BORCS8: variants seen among roughly 807,000 people sequenced by gnomAD.
The protein encoded by BORCS8 is BLOC-1 related complex subunit 8, also known as BLOC-1-related complex subunit 8.
BORCS8 carries 13 observed loss-of-function variants against 18.7 expected under a neutral mutation model. The ratio of observed to expected loss-of-function variants is 0.70; its 90% CI spans 0.45 to 1.11. The LOEUF is 1.11. Ranked by LOEUF, BORCS8 falls within the 50% of genes least tolerant of loss-of-function variation. The pLI, the probability that BORCS8 is intolerant of heterozygous loss-of-function variation, is 0.00. For missense variants in BORCS8, 165 were observed against 165.7 expected (o/e 1.00, Z 0.02); for synonymous variants, 68 against 64.8 (o/e 1.05, Z -0.24).
chr19:19,184,941 G>A (rs546750820), intron 3 of BORCS8, among the ~76,000 whole-genome samples: 9 of 151,878 alleles, frequency 5.9e-5, no homozygotes, highest in Non-Finnish European at 1.2e-4. Context: ...GCTATATCAC[G>A]CAGGCTGACC....
chr19:19,191,477 GTGA>G (rs2060476067), intron 1 of BORCS8, among the ~76,000 whole-genome samples: 4 of 145,774 alleles, frequency 2.7e-5, no homozygotes, highest in Admixed American at 1.4e-4. Context: ...GGGCGACAGT[GTGA>G]TACCTTGTCT....
In BORCS8 at chr19:19,177,207, C is replaced by T. The variant is rs2146403101; in HGVS notation, c.*296G>A. On this transcript the variant is annotated 3_prime_UTR_variant, in exon 6 of 6. Transcript: ENST00000462790. ...ACCACTGGAACTAGGGGTGGCTTCT[C>T]CATGTGGCCTGAGCCTGGGGTGGGC... 6.6e-6 allele frequency: 1 copy of T among 152,340 alleles called. No individual in the cohort carries two copies. Among genetic ancestry groups the T allele is most frequent in the African/African-American group, 2.4e-5 (1 of 41,570 alleles). 9.4% of individuals were successfully genotyped at this position (152,340 alleles called of 1,614,324 possible). A position where few individuals can be genotyped will look rare whatever the true frequency, so the allele number is the denominator to read the frequency against.
In BORCS8 at chr19:19,182,576, T is replaced by C. The variant is rs1185584677; in HGVS notation, c.323A>G (p.His108Arg). The C allele has an allele frequency of 1.3e-6, 2 of 1,550,556 alleles. No individual in the cohort carries two copies. The highest frequency in any genetic ancestry group is 2.0e-5 in the Admixed American group (1 of 50,964). The part of the protein sequence containing the change: ...RDHMNASAQG[H>R]SPEEPPPPSS... Reference sequence around the variant, plus strand: ...GGCGGGCGGTCCCAGGAGCTACCTGTGGCCCTGGGCACTGGCATTCATATG... The same window carrying C: ...GGCGGGCGGTCCCAGGAGCTACCTGCGGCCCTGGGCACTGGCATTCATATG... Residue 108 changes from histidine to arginine, a missense_variant, in exon 4 of 6, where the codon CAC becomes CGC. Coordinates refer to ENST00000462790, the MANE Select transcript of BORCS8 (RefSeq NM_001145784.2). This position sits in a 1 kb window ranked among gnomAD's most constrained non-coding sequence, Gnocchi z 4.1.
Position 19,182,331 on chromosome 19 carries a change from C to T in BORCS8, c.326+242G>A, listed in dbSNP as rs1036076099. On this transcript the variant is annotated intron_variant, in intron 4 of 5. Transcript: ENST00000462790. This position sits in a 1 kb window ranked among gnomAD's most constrained non-coding sequence, Gnocchi z 4.1. ...TGTCTCCTTGTGAGCCTGTCTGTCT[C>T]GGTCACTGCTATGTCCCCAGTGCCC... 1.8e-5 allele frequency: 18 copies of T among 1,006,268 alleles called. No homozygotes were observed. In the South Asian group the frequency reaches 2.2e-4, roughly 12 times the overall value. 62.3% of individuals were successfully genotyped at this position (1,006,268 alleles called of 1,614,324 possible). A position where few individuals can be genotyped will look rare whatever the true frequency, so the allele number is the denominator to read the frequency against.
intron 1 of BORCS8, among the ~76,000 whole-genome samples, chr19:19,189,651 T>G (rs564570800): frequency 2.0e-5 from 3 of 152,068 alleles, no homozygotes; most frequent in Admixed American, 2.0e-4. Flanking sequence ...CAACGCCGGG[T>G]GCGGTGGCTC....
intron 1 of BORCS8, among the ~76,000 whole-genome samples, chr19:19,191,651 T>C (rs139317942): frequency 2.6e-5 from 4 of 151,984 alleles, no homozygotes; most frequent in African/African-American, 9.7e-5. Flanking sequence ...CGTAGCCCAC[T>C]GCAGTGCAGC....
chr19:19,184,218 C>T (rs1325624048), intron 3 of BORCS8, among the ~76,000 whole-genome samples: 2 of 151,680 alleles, frequency 1.3e-5, no homozygotes, highest in African/African-American at 2.4e-5. Flanking sequence ...TGCTTAGCCA[C>T]CCATGGCGTA....
rs1465442371 is a variant in BORCS8, at chr19:19,182,991, A to AAC, written c.216-310_216-309dup. On this transcript the variant is annotated intron_variant, in intron 3 of 5. Coordinates refer to ENST00000462790, the MANE Select transcript of BORCS8 (RefSeq NM_001145784.2). This position sits in a 1 kb window ranked among gnomAD's most constrained non-coding sequence, Gnocchi z 4.1. ...GGGGTGTAAAAAATAGGAAAGAAAA[A>AAC]ACACCTGGGCACTGTGGTTCACACC... Among the ~76,000 whole-genome samples the AAC allele has an allele frequency of 6.6e-6, 1 of 152,080 alleles. No homozygotes were observed. Among genetic ancestry groups the AAC allele is most frequent in the Non-Finnish European group, 1.5e-5 (1 of 68,026 alleles).
intron 3 of BORCS8, among the ~76,000 whole-genome samples, chr19:19,184,926 G>T (rs2060391460): frequency 1.3e-5 from 2 of 151,890 alleles, no homozygotes; most frequent in Non-Finnish European, 2.9e-5. Flanking sequence ...TAGAGGAGAG[G>T]TCTGGCTATA....
At chr19:19,191,105 C>T (rs1002023757) in intron 1 of BORCS8, among the ~76,000 whole-genome samples, 1 of 151,950 alleles carries the variant, frequency 6.6e-6, no homozygotes, top group Non-Finnish European at 1.5e-5. Flanking sequence ...GTAATCCCAG[C>T]ACTTTGGGAG....
Position 19,180,691 on chromosome 19 carries a change from T to C in BORCS8, c.*37A>G, listed in dbSNP as rs904231894. ...TGGCTACCCTCGGCACTGACCTGGGTTGGCGGAGGCTGGGGGGCCCCGAGT... is the reference window on the plus strand; with the variant it reads ...TGGCTACCCTCGGCACTGACCTGGGCTGGCGGAGGCTGGGGGGCCCCGAGT... On this transcript the variant is annotated 3_prime_UTR_variant, in exon 5 of 6. Coordinates refer to ENST00000462790, the MANE Select transcript of BORCS8 (RefSeq NM_001145784.2). 8.4e-6 allele frequency: 13 copies of C among 1,544,058 alleles called. No homozygotes were observed. The highest frequency in any genetic ancestry group is 1.2e-5 in the South Asian group (1 of 83,880).
chr19:19,182,925 AGAT>A lies in BORCS8; in HGVS notation c.216-245_216-243del. On this transcript the variant is annotated intron_variant, in intron 3 of 5. Coordinates refer to ENST00000462790, the MANE Select transcript of BORCS8 (RefSeq NM_001145784.2). This position sits in a 1 kb window ranked among gnomAD's most constrained non-coding sequence, Gnocchi z 4.1. ...TTTTGAAGGAGGGATCAGTGTATAA[AGAT>A]GTCATAAAAAATATCTCGGCCATTA... Among the ~76,000 whole-genome samples the A allele has an allele frequency of 6.6e-6, 1 of 152,324 alleles. No homozygotes were observed. Among genetic ancestry groups the A allele is most frequent in the Admixed American group, 6.5e-5 (1 of 15,304 alleles).
At position 19,192,141 on chromosome 19, in the gene BORCS8, G is replaced by A. The variant is rs760022442; in HGVS notation, c.-24C>T. 5 of 1,550,942 alleles carry A rather than the reference G, an allele frequency of 3.2e-6. No individual in the cohort carries two copies. Among genetic ancestry groups the A allele is most frequent in the Non-Finnish European group, 4.4e-6 (5 of 1,146,874 alleles). On this transcript the variant is annotated 5_prime_UTR_variant, in exon 1 of 6. Transcript: ENST00000462790. Reference sequence around the variant, plus strand: ...ATAGCGACCGCGGCCGAGCGAACCGGGAAACGGCACCGGAAGCCCGGAGGT... The same window carrying A: ...ATAGCGACCGCGGCCGAGCGAACCGAGAAACGGCACCGGAAGCCCGGAGGT...
At chr19:19,191,413 G>A (rs1290708797) in intron 1 of BORCS8, among the ~76,000 whole-genome samples, 1 of 150,540 alleles carries the variant, frequency 6.6e-6, no homozygotes, top group Non-Finnish European at 1.5e-5. Context: ...GATCGCCCGC[G>A]CCAGAGAGAT....
chr19:19,187,967 C>T (rs1208355999), intron 1 of BORCS8, among the ~76,000 whole-genome samples: 1 of 151,994 alleles, frequency 6.6e-6, no homozygotes, highest in Non-Finnish European at 1.5e-5. Context: ...CTCAGCCTCC[C>T]GAGGAGCTAG....
chr19:19,191,336 T>G (rs905143541), intron 1 of BORCS8, among the ~76,000 whole-genome samples: 4 of 148,990 alleles, frequency 2.7e-5, no homozygotes, highest in Admixed American at 1.3e-4. Flanking sequence ...AAAAAAAAAT[T>G]AAAGAATTAG....
intron 3 of BORCS8, among the ~76,000 whole-genome samples, chr19:19,183,968 C>T (rs1019803625): frequency 2.7e-5 from 4 of 150,720 alleles, no homozygotes; most frequent in Non-Finnish European, 4.4e-5. Context: ...CAGCAACCTC[C>T]GTCTCCCAGG....
Position 19,182,442 on chromosome 19 carries a change from G to A in BORCS8, c.326+131C>T. ...TTATAGATGCCACAGGACAAGAGGA[G>A]GTCACCAGACACCAGGACAAAAGGA... On this transcript the variant is annotated intron_variant, in intron 4 of 5. Coordinates refer to ENST00000462790, the MANE Select transcript of BORCS8 (RefSeq NM_001145784.2). This position sits in a 1 kb window ranked among gnomAD's most constrained non-coding sequence, Gnocchi z 4.1. The A allele has an allele frequency of 6.9e-7, 1 of 1,444,900 alleles. No homozygotes were observed. Among genetic ancestry groups the A allele is most frequent in the African/African-American group, 1.4e-5 (1 of 70,174 alleles). The allele number at this position is 1,444,900 out of a possible 1,614,324, so 89.5% of individuals were successfully genotyped here.
At chr19:19,177,696 GAGAAA>G (rs1160218288) in intron 5 of BORCS8, 1,146 of 74,556 alleles carry the variant, frequency 0.015, 14 homozygotes, top group Middle Eastern at 0.028. Context: ...AAGGAAGGAA[GAGAAA>G]AGAAAAGAAA....
Sources: gnomAD v4.1 joint callset for allele counts (sites outside exome capture counted in the v4.1 genomes callset) on GRCh38, gnomAD v4.1.1 for gene constraint, Gnocchi (gnomAD v3.1) non-coding constraint, MANE v1.5 for transcripts, NCBI Gene and HGNC (gene_info 2026-07-23, HGNC 2026-07-21) for gene names.